The following APBB1IP variants were observed in gnomAD, a reference collection of about 807,000 sequenced individuals.
APBB1IP encodes amyloid beta precursor protein binding family B member 1 interacting protein.
APBB1IP carries 27 observed loss-of-function variants against 64.9 expected under a neutral mutation model. That is an observed-to-expected ratio of 0.42 (90% CI 0.31 to 0.57). The LOEUF is 0.57. Ranked by LOEUF, APBB1IP falls within the 20% of genes least tolerant of loss-of-function variation. APBB1IP has a pLI of 0.20. For synonymous variants in APBB1IP, 392 were observed against 331.0 expected, an observed-to-expected ratio of 1.18 and a Z score of -2.00; for missense variants, 812 against 845.5, an observed-to-expected ratio of 0.96 and a Z score of 0.49.
rs148386096 is a variant in APBB1IP at position 26,446,462 on chromosome 10, A to T, written c.-1+7609A>T. Among the ~76,000 whole-genome samples, 558 of 152,294 alleles carry T rather than the reference A, an allele frequency of 3.7e-3. 1 individual carries two copies. Among genetic ancestry groups the T allele is most frequent in the African/African-American group, 0.012 (516 of 41,550 alleles). On this transcript the variant is annotated intron_variant, in intron 2 of 14. Coordinates refer to ENST00000376236, the MANE Select transcript of APBB1IP (RefSeq NM_019043.4). ...GCTGCTTGGGCCATGAATGTCGGTA[A>T]GTGCTATGCAGTGTGGTGAAAAGAT... is the stretch of plus-strand genomic sequence containing the variant.
chr10:26,560,826 C>A lies in APBB1IP; in HGVS notation c.1351C>A (p.Pro451Thr), dbSNP rs772953574. 3.9e-5 allele frequency: 62 copies of A among 1,597,036 alleles called. 2 individuals are homozygous for A. In the South Asian group the frequency reaches 6.8e-4, roughly 17 times the overall value. The part of the protein sequence containing the change: ...TNLGTVNAAA[P>T]AQPSTGPKTG... ...CTTGGGGACAGTCAATGCAGCTGCA[C>A]CAGCTCAGCCATCTACAGGTACTAA... Residue 451 changes from proline to threonine, a missense_variant, in exon 13 of 15, where the codon CCA (proline) becomes ACA (threonine). Physicochemically the swap from Pro to Thr is conservative, Grantham distance 38 (BLOSUM62 -1). Coordinates refer to ENST00000376236, the MANE Select transcript of APBB1IP (RefSeq NM_019043.4).
intron 8 of APBB1IP, among the ~76,000 whole-genome samples, chr10:26,517,797 G>A (rs929188503): frequency 6.6e-6 from 1 of 152,186 alleles, no homozygotes; most frequent in Non-Finnish European, 1.5e-5. Flanking sequence ...ATGGATATTT[G>A]ACTTGTTTCT....
At chr10:26,451,087 A>G (rs1313363498) in intron 2 of APBB1IP, among the ~76,000 whole-genome samples, 1 of 151,338 alleles carries the variant, frequency 6.6e-6, no homozygotes, top group African/African-American at 2.5e-5. Flanking sequence ...ACGTTGAGAG[A>G]CAGTAATTAA....
chr10:26,459,021 G>C (rs1259912812), intron 2 of APBB1IP, among the ~76,000 whole-genome samples: 1 of 151,260 alleles, frequency 6.6e-6, no homozygotes, highest in Non-Finnish European at 1.5e-5. Context: ...CATGTGCCAT[G>C]CTGGTGTGCT....
Position 26,503,244 on chromosome 10 carries a change from G to A in APBB1IP, c.501G>A (p.Leu167=). 6.2e-7 allele frequency: 1 copy of A among 1,614,106 alleles called. No individual in the cohort carries two copies. Among genetic ancestry groups the A allele is most frequent in the Non-Finnish European group, 8.5e-7 (1 of 1,180,002 alleles). ...AGGCTGATAAAATTAAGCTGGCGCT[G>A]GAAAAACTGAAGGAGGCCAAGGTTA... The part of the protein sequence containing the change: ...QAKADKIKLA[L]EKLKEAKVKK... Residue 167 remains leucine, a synonymous_variant, in exon 6 of 15, where the codon CTG becomes CTA. Coordinates refer to ENST00000376236, the MANE Select transcript of APBB1IP (RefSeq NM_019043.4).
chr10:26,448,272 G>C (rs1249179919), intron 2 of APBB1IP, among the ~76,000 whole-genome samples: 1 of 151,880 alleles, frequency 6.6e-6, no homozygotes, highest in African/African-American at 2.4e-5. Context: ...CACATTTCTG[G>C]CCTCAAGTGA....
At chr10:26,516,546 A>AAAAAG (rs1836332249) in intron 8 of APBB1IP, among the ~76,000 whole-genome samples, 1 of 147,642 alleles carries the variant, frequency 6.8e-6, no homozygotes, top group African/African-American at 2.5e-5. Context: ...TCCATCTCAA[A>AAAAAG]AAAAAAAAAA....
chr10:26,452,037 A>G (rs1279947944), intron 2 of APBB1IP, among the ~76,000 whole-genome samples: 1 of 152,242 alleles, frequency 6.6e-6, no homozygotes, highest in Non-Finnish European at 1.5e-5. Context: ...ATGGTGGCAT[A>G]GATGAAGACT....
chr10:26,495,198 G>A (rs537742557), intron 3 of APBB1IP, among the ~76,000 whole-genome samples: 3 of 151,498 alleles, frequency 2.0e-5, no homozygotes, highest in African/African-American at 7.3e-5. Flanking sequence ...AATAGAGACG[G>A]GGTTTCACCA....
intron 2 of APBB1IP, among the ~76,000 whole-genome samples, chr10:26,457,458 T>C (rs1314109594): frequency 6.6e-6 from 1 of 152,170 alleles, no homozygotes; most frequent in Non-Finnish European, 1.5e-5. Context: ...GATTTTGGTA[T>C]CCTTTACCCA....
chr10:26,503,357 C>A, intron 6 of APBB1IP, 83 bp downstream of exon 6: 2 of 1,407,676 alleles, frequency 1.4e-6, no homozygotes, highest in Non-Finnish European at 9.8e-7. Flanking sequence ...AAAATAAAGC[C>A]GGGCGCGGTG....
intron 10 of APBB1IP, among the ~76,000 whole-genome samples, 172 bp from the exon 11 acceptor site, chr10:26,541,410 T>A (rs1588612191): frequency 6.6e-6 from 1 of 152,202 alleles, no homozygotes; most frequent in Non-Finnish European, 1.5e-5. Flanking sequence ...CATTCCAACC[T>A]TTCAGACTTG....
intron 2 of APBB1IP, among the ~76,000 whole-genome samples, chr10:26,478,562 C>T (rs1403587013): frequency 5.3e-5 from 8 of 150,906 alleles, no homozygotes; most frequent in African/African-American, 1.7e-4. Context: ...TTGCAGTGAG[C>T]CAAGATTGTG....
At chr10:26,485,109 T>C (rs1835876820) in intron 2 of APBB1IP, among the ~76,000 whole-genome samples, 1 of 152,230 alleles carries the variant, frequency 6.6e-6, no homozygotes, top group Non-Finnish European at 1.5e-5. Flanking sequence ...AGTGAAAGTT[T>C]TGTTTACCAA....
chr10:26,531,661 C>T (rs578022053), intron 8 of APBB1IP, among the ~76,000 whole-genome samples: 13 of 133,904 alleles, frequency 9.7e-5, no homozygotes, highest in South Asian at 2.5e-4. Context: ...AGCGAGACCC[C>T]GTCTCAAAAA....
At chr10:26,493,284 A>C (rs1462328441) in intron 3 of APBB1IP, among the ~76,000 whole-genome samples, 1 of 152,188 alleles carries the variant, frequency 6.6e-6, no homozygotes, top group African/African-American at 2.4e-5. Flanking sequence ...TTGTGCAGTT[A>C]ACGCAATCAT....
intron 2 of APBB1IP, among the ~76,000 whole-genome samples, chr10:26,458,752 A>G (rs1011272103): frequency 1.3e-5 from 2 of 152,176 alleles, no homozygotes; most frequent in Non-Finnish European, 2.9e-5. Context: ...TTAAAGCACC[A>G]AATTCTTTGA....
In APBB1IP at chr10:26,496,310, G is replaced by C. The variant is rs1336673543; in HGVS notation, c.79G>C (p.Gly27Arg). The C allele has an allele frequency of 3.7e-6, 6 of 1,611,496 alleles. No homozygotes were observed. The African/African-American group carries it at 6.7e-5, about 18-fold the overall frequency. Residue 27 changes from glycine (G) to arginine (R), a missense_variant, in exon 4 of 15, where the codon GGA (glycine) becomes CGA (arginine). By Grantham distance (125) the Gly-to-Arg change is moderately radical (BLOSUM62 -2). Transcript: ENST00000376236. ...GEMDLLTQSL[G>R]VDTLPPPDPN... ...GGGGGATCTTTTTTCACAGAGTTTA[G>C]GAGTTGACACTCTCCCTCCTCCTGA...
intron 8 of APBB1IP, among the ~76,000 whole-genome samples, chr10:26,532,376 C>T (rs955367700): frequency 3.3e-5 from 5 of 152,110 alleles, no homozygotes; most frequent in African/African-American, 1.2e-4. Flanking sequence ...TATTTTTAGC[C>T]ATCCTGTTGA....
Sources: allele counts gnomAD v4.1 joint callset (sites outside exome capture counted in the v4.1 genomes callset), GRCh38; gene constraint gnomAD v4.1.1; transcripts MANE v1.5; gene names NCBI Gene and HGNC (gene_info 2026-07-23, HGNC 2026-07-21).